The following DNAH12 variants were observed in gnomAD, a reference collection of about 807,000 sequenced individuals.
DNAH12 encodes dynein axonemal heavy chain 12, also known as axonemal beta dynein heavy chain 12.
A neutral mutation model predicts 371.5 loss-of-function variants in DNAH12; 285 were observed. The observed-to-expected ratio is 0.77, with a 90% CI of 0.70 to 0.85. DNAH12 has a LOEUF of 0.85. Ranked by LOEUF, DNAH12 falls within the 40% of genes least tolerant of loss-of-function variation. The probability of loss-of-function intolerance (pLI) is 0.00; values close to 1 mark genes in which losing one functional copy is unlikely to be tolerated. For missense variants in DNAH12, 3,611 were observed against 3,689.4 expected (o/e 0.98, Z 0.55); for synonymous variants, 1,200 against 1,213.0 (o/e 0.99, Z 0.22).
At chr3:57,504,820 A>G (rs1197489902) in intron 8 of DNAH12, among the ~76,000 whole-genome samples, 1 of 152,012 alleles carries the variant, frequency 6.6e-6, no homozygotes. Flanking sequence ...GTGCTAGCAA[A>G]TACTAGGTCT....
At chr3:57,521,506 A>C (rs2068443292) in intron 4 of DNAH12, among the ~76,000 whole-genome samples, 1 of 152,196 alleles carries the variant, frequency 6.6e-6, no homozygotes, top group African/African-American at 2.4e-5. Context: ...TCTAAAAAAA[A>C]AGAAAAAAGA....
chr3:57,359,559 CAAAAAA>C (rs1268515074), intron 58 of DNAH12, among the ~76,000 whole-genome samples: 24 of 72,124 alleles, frequency 3.3e-4, no homozygotes, highest in Non-Finnish European at 6.2e-4. Context: ...AACTCCATCT[CAAAAAA>C]AAAAAAAAAA....
chr3:57,523,486 T>C, intron 4 of DNAH12, 97 bp downstream of exon 4: 1 of 1,004,928 alleles, frequency 1.0e-6, no homozygotes, highest in Non-Finnish European at 1.4e-6. Flanking sequence ...TTTATTTATT[T>C]TCTAGAATGG....
rs1183110200 is a variant in DNAH12, at chr3:57,323,507, A to G, written c.10091T>C (p.Leu3364Ser). The change falls in exon 63 of 74, where the codon TTA (leucine) becomes TCA (serine). Residue 3364 changes from leucine to serine, a missense_variant. By Grantham distance (145) the Leu-to-Ser change is moderately radical (BLOSUM62 -2). Around this residue, in one of 3 missense-constraint regions of DNAH12, gnomAD observed 2,266 missense variants for 2,236.9 expected, o/e 1.01. Coordinates refer to ENST00000495027, the MANE Select transcript of DNAH12 (RefSeq NM_001366028.2). ...SYLDSNCTIP[L>S]IFVLSPGADP... Reference sequence around the variant, plus strand: ...TGCTCCTGGAGATAGAACAAAAATTAAGGGAATGGTGCAATTTGAATCCAA... The same window carrying G: ...TGCTCCTGGAGATAGAACAAAAATTGAGGGAATGGTGCAATTTGAATCCAA... 20 of 1,550,494 alleles carry G rather than the reference A, an allele frequency of 1.3e-5. No individual in the cohort carries two copies. The highest frequency in any genetic ancestry group is 1.7e-5 in the Non-Finnish European group (19 of 1,146,730).
chr3:57,395,909 A>G (rs1314023532), intron 43 of DNAH12, among the ~76,000 whole-genome samples: 4 of 151,920 alleles, frequency 2.6e-5, no homozygotes, highest in Non-Finnish European at 5.9e-5. Flanking sequence ...GTGAACTATG[A>G]TCATGCCACT....
At chr3:57,311,289 C>A (rs887224249) in intron 66 of DNAH12, among the ~76,000 whole-genome samples, 1 of 152,148 alleles carries the variant, frequency 6.6e-6, no homozygotes, top group African/African-American at 2.4e-5. Context: ...GTTGGCCAGA[C>A]TGGTCTTGAA....
chr3:57,380,152 CTTTA>C (rs1168357152), intron 51 of DNAH12, 122 bp downstream of exon 51: 16 of 151,984 alleles, frequency 1.1e-4, no homozygotes. Flanking sequence ...GGTAATATCT[CTTTA>C]TTAATTATCT....
chr3:57,485,525 C>T (rs1467809310), intron 12 of DNAH12, among the ~76,000 whole-genome samples: 3 of 151,806 alleles, frequency 2.0e-5, no homozygotes, highest in Admixed American at 1.3e-4. Flanking sequence ...CCTCAGCCTC[C>T]CGAGTAGCTG....
At position 57,487,407 on chromosome 3, in the gene DNAH12, A is replaced by G. The variant is rs956132756; in HGVS notation, c.1514+2102T>C. ...AAAGAAAGAGAAAGAAAGAAAGAAA[A>G]AAAAGAAAAAGAAAGAAAAAAAAGA... is the stretch of plus-strand genomic sequence containing the variant. On this transcript the variant is annotated intron_variant, in intron 12 of 73. Coordinates refer to ENST00000495027, the MANE Select transcript of DNAH12 (RefSeq NM_001366028.2). 1.7e-3 allele frequency among the ~76,000 whole-genome samples: 154 copies of G among 91,302 alleles called. 1 individual carries two copies. The highest frequency in any genetic ancestry group is 5.2e-3 in the African/African-American group (133 of 25,752). 59.9% of individuals were successfully genotyped at this position (91,302 alleles called of 152,430 possible).
chr3:57,543,021 A>C (rs997723982), intron 1 of DNAH12, 118 bp from the exon 2 acceptor site: 3 of 696,224 alleles, frequency 4.3e-6, no homozygotes, highest in Non-Finnish European at 6.3e-6. Flanking sequence ...TCTTCCTCCC[A>C]AGTATGGTAT....
intron 45 of DNAH12, among the ~76,000 whole-genome samples, chr3:57,390,379 C>A (rs1346372929): frequency 1.1e-5 from 1 of 88,488 alleles, no homozygotes; most frequent in Non-Finnish European, 2.5e-5. Context: ...CACCAGTGCA[C>A]TCCAGCCTGG....
Position 57,296,401 on chromosome 3 carries a change from T to TC in DNAH12, c.11566dup (p.Glu3856GlyfsTer25), listed in dbSNP as rs1169868672. The TC allele has an allele frequency of 1.3e-6, 2 of 1,551,074 alleles. No homozygotes were observed. The highest frequency in any genetic ancestry group is 1.7e-6 in the Non-Finnish European group (2 of 1,146,650). Reference sequence around the variant, plus strand: ...CAGTCCGTGGATATAAACACCATCTTCTGGTGATGTGTCAGATGTATCAGA... The same window carrying TC: ...CAGTCCGTGGATATAAACACCATCTTCCTGGTGATGTGTCAGATGTATCAGA... On this transcript the variant is annotated frameshift_variant, in exon 72 of 74. Coordinates refer to ENST00000495027, the MANE Select transcript of DNAH12 (RefSeq NM_001366028.2). LOFTEE classifies it high-confidence loss of function.
the DNAH12 span, among the ~76,000 whole-genome samples, chr3:57,551,811 G>GA: frequency 1.2e-3 from 152 of 123,536 alleles, no homozygotes; most frequent in South Asian, 5.3e-3. Context: ...TCAAAAAAAT[G>GA]AAAAAAAAAC....
chr3:57,403,264 A>C (rs370755475), intron 43 of DNAH12, 45 bp downstream of exon 43: 41 of 1,502,078 alleles, frequency 2.7e-5, no homozygotes, highest in Admixed American at 2.3e-4. Flanking sequence ...GAGTAAAAGA[A>C]TATACTGTTT....
At chr3:57,498,312 T>G in intron 11 of DNAH12, 1 of 576,148 alleles carries the variant, frequency 1.7e-6, no homozygotes, top group African/African-American at 1.9e-5. Context: ...TTGAAAGAAA[T>G]TTAAGTTTCT....
intron 57 of DNAH12, among the ~76,000 whole-genome samples, chr3:57,364,813 A>G (rs2063011507): frequency 6.6e-6 from 1 of 152,148 alleles, no homozygotes; most frequent in Non-Finnish European, 1.5e-5. Context: ...AAAGGACATA[A>G]GGACACTTCT....
intron 58 of DNAH12, among the ~76,000 whole-genome samples, chr3:57,363,272 C>T (rs1241580213): frequency 1.3e-5 from 2 of 151,880 alleles, no homozygotes; most frequent in Non-Finnish European, 2.9e-5. Flanking sequence ...CTAATAATAC[C>T]TTACCTATCC....
At chr3:57,499,014 A>ACAAAC (rs1559723394) in intron 11 of DNAH12, among the ~76,000 whole-genome samples, 4 of 151,522 alleles carry the variant, frequency 2.6e-5, no homozygotes, top group Admixed American at 1.3e-4. Context: ...CAAAAACAAA[A>ACAAAC]ACACACACAC....
At chr3:57,449,419 C>G (rs888384773) in intron 25 of DNAH12, among the ~76,000 whole-genome samples, 2 of 152,190 alleles carry the variant, frequency 1.3e-5, no homozygotes, top group Non-Finnish European at 2.9e-5. Context: ...AGGGAGGCTC[C>G]GGCCGCACAG....
Sources: gnomAD v4.1 joint callset for allele counts (sites outside exome capture counted in the v4.1 genomes callset) on GRCh38, gnomAD v4.1.1 for gene constraint, gnomAD v4.1.1 regional missense constraint, MANE v1.5 for transcripts, NCBI Gene and HGNC (gene_info 2026-07-23, HGNC 2026-07-21) for gene names.